Variants in SLC45A2 observed in about 807,000 individuals in gnomAD.
SLC45A2 encodes membrane-associated transporter protein.
Under a neutral mutation model 45.5 loss-of-function variants are expected in SLC45A2, and 36 were observed. The observed-to-expected ratio is 0.79, with a 90% confidence interval of 0.61 to 1.04. The LOEUF is 1.04. Among genes scored for constraint, SLC45A2 ranks in the 50% least tolerant of loss-of-function variants. The pLI is 0.00. For synonymous variants in SLC45A2, 306 were observed against 269.3 expected (o/e 1.14, Z -1.33); for missense variants, 719 against 671.0 (o/e 1.07, Z -0.79).
At chr5:33,970,108 G>A (rs1752736347) in intron 2 of SLC45A2, among the ~76,000 whole-genome samples, 2 of 152,180 alleles carry the variant, frequency 1.3e-5, no homozygotes, top group African/African-American at 4.8e-5. Flanking sequence ...AGCTGAGTTA[G>A]ACAGCCCCTG....
intron 3 of SLC45A2, among the ~76,000 whole-genome samples, chr5:33,960,726 C>T (rs1324857287): frequency 1.3e-5 from 2 of 152,092 alleles, no homozygotes; most frequent in Non-Finnish European, 2.9e-5. Context: ...ACTCATGTAA[C>T]CAAACACCAC....
chr5:33,971,444 T>G, intron 2 of SLC45A2: 1 of 425,682 alleles, frequency 2.3e-6, no homozygotes, highest in Non-Finnish European at 4.5e-6. Context: ...TTTTCCTTTT[T>G]TTTTGTTTTT....
At chr5:33,946,930 T>C (rs1751947431) in intron 6 of SLC45A2, 1 of 1,442,426 alleles carries the variant, frequency 6.9e-7, no homozygotes, top group Non-Finnish European at 9.1e-7. Flanking sequence ...CTTCTTGCCC[T>C]ACAGCTCCCT....
chr5:33,984,548 G>A lies in SLC45A2; in HGVS notation c.36C>T (p.Ile12=), dbSNP rs148217379. Residue 12 remains isoleucine, a synonymous_variant, in exon 1 of 7, where the codon ATC becomes ATT. Coordinates refer to ENST00000296589, the MANE Select transcript of SLC45A2 (RefSeq NM_016180.5). ...GGCCATCATCAGCTAGGGATTTATA[G>A]ATGTGGCGGCCAGCCTGCCCACTGT... ...GSNSGQAGRH[I]YKSLADDGPF... is the part of the protein sequence containing the mutation. 1.6e-5 allele frequency: 26 copies of A among 1,611,902 alleles called. No homozygotes were observed. In the African/African-American group the frequency reaches 3.3e-4, roughly 21 times the overall value.
chr5:33,969,998 C>A (rs542742311), intron 2 of SLC45A2, among the ~76,000 whole-genome samples: 1 of 152,304 alleles, frequency 6.6e-6, no homozygotes, highest in East Asian at 1.9e-4. Context: ...GCTCAGCACA[C>A]CGTGAAGCGT....
intron 4 of SLC45A2, among the ~76,000 whole-genome samples, chr5:33,951,903 T>G (rs1752113091): frequency 6.6e-6 from 1 of 152,172 alleles, no homozygotes; most frequent in South Asian, 2.1e-4. Flanking sequence ...AACACTCTCT[T>G]GGATCCTTAA....
chr5:33,965,024 T>C (rs1489181937), intron 2 of SLC45A2, among the ~76,000 whole-genome samples: 4 of 152,228 alleles, frequency 2.6e-5, no homozygotes, highest in African/African-American at 4.8e-5. Context: ...CCACTACATA[T>C]GTCACAAACT....
chr5:33,958,213 G>A (rs1458590043), intron 3 of SLC45A2, among the ~76,000 whole-genome samples: 1 of 152,188 alleles, frequency 6.6e-6, no homozygotes, highest in East Asian at 1.9e-4. Context: ...TGGAGGAATT[G>A]GAGATAGATT....
chr5:33,965,643 A>G (rs1004056541), intron 2 of SLC45A2, among the ~76,000 whole-genome samples: 1 of 152,222 alleles, frequency 6.6e-6, no homozygotes, highest in Admixed American at 6.5e-5. Flanking sequence ...GATTTGAGAG[A>G]AAGAGAAGGT....
At chr5:33,967,586 C>T (rs1006687240) in intron 2 of SLC45A2, among the ~76,000 whole-genome samples, 4 of 152,052 alleles carry the variant, frequency 2.6e-5, no homozygotes, top group Non-Finnish European at 5.9e-5. Context: ...GATATTTGAC[C>T]CACAATTCAT....
rs546198842 is a variant in SLC45A2, at chr5:33,961,681, G to A, written c.888+2010C>T. ...TTTGTGGCCACCTTGGAAATGTGCC[G>A]TTTGGGTCACCTACCAGAGAAAACA... On this transcript the variant is annotated intron_variant, in intron 3 of 6. Transcript: ENST00000296589. Among the ~76,000 whole-genome samples the A allele has an allele frequency of 5.9e-5, 9 of 152,234 alleles. No homozygotes were observed. In the South Asian group the frequency reaches 8.3e-4, roughly 14 times the overall value.
intron 5 of SLC45A2, among the ~76,000 whole-genome samples, chr5:33,950,276 T>A (rs1176672014): frequency 6.6e-6 from 1 of 152,226 alleles, no homozygotes; most frequent in African/African-American, 2.4e-5. Flanking sequence ...TTAAGCTGGA[T>A]AATTTACTAG....
chr5:33,949,856 G>T (rs763446323), intron 5 of SLC45A2, among the ~76,000 whole-genome samples: 1 of 151,406 alleles, frequency 6.6e-6, no homozygotes, highest in Non-Finnish European at 1.5e-5. Context: ...GTTCCCTGAG[G>T]AAAAATAAGT....
chr5:33,980,267 G>GA (rs33933110), intron 2 of SLC45A2, among the ~76,000 whole-genome samples: 31 of 147,816 alleles, frequency 2.1e-4, no homozygotes, highest in African/African-American at 5.0e-4. Flanking sequence ...GGCTTTCCAA[G>GA]AAAAAAAAAA....
chr5:33,963,076 C>T (rs944299206), intron 3 of SLC45A2, among the ~76,000 whole-genome samples: 4 of 152,300 alleles, frequency 2.6e-5, no homozygotes, highest in South Asian at 4.1e-4. Context: ...AAATGAAGTT[C>T]TAATTTTATT....
intron 2 of SLC45A2, chr5:33,972,763 T>C (rs1009415165): frequency 6.6e-6 from 1 of 152,236 alleles, no homozygotes; most frequent in South Asian, 2.1e-4. Flanking sequence ...CAAATTAGTA[T>C]AATAATTCAG....
At position 33,970,566 on chromosome 5, in the gene SLC45A2, TGTTGGTTG is replaced by T. The variant is rs3836801; in HGVS notation, c.563-6558_563-6551del. Among the ~76,000 whole-genome samples, 7 of 150,820 alleles carry T rather than the reference TGTTGGTTG, an allele frequency of 4.6e-5. No individual in the cohort carries two copies. The East Asian group carries it at 7.9e-4, about 17-fold the overall frequency. On this transcript the variant is annotated intron_variant, in intron 2 of 6. Coordinates refer to ENST00000296589, the MANE Select transcript of SLC45A2 (RefSeq NM_016180.5). Reference sequence around the variant, plus strand: ...TGGTTAGCTGGTTGGCTGACTGGCTTGTTGGTTGGTTGGTTGGTTGGTTGGTTGGTTTT... The same window carrying T: ...TGGTTAGCTGGTTGGCTGACTGGCTTGTTGGTTGGTTGGTTGGTTGGTTTT...
chr5:33,982,727 G>C (rs1464071868), intron 1 of SLC45A2, among the ~76,000 whole-genome samples: 1 of 151,914 alleles, frequency 6.6e-6, no homozygotes, highest in Non-Finnish European at 1.5e-5. Flanking sequence ...ATTAGAGAGT[G>C]GTAATGGTTG....
chr5:33,946,259 C>T (rs1424021978), intron 6 of SLC45A2: 1 of 985,314 alleles, frequency 1.0e-6, no homozygotes, highest in Non-Finnish European at 1.2e-6. Context: ...ATGAGGAAAG[C>T]CACACCTCTT....
Sources: gnomAD v4.1 joint callset for allele counts (sites outside exome capture counted in the v4.1 genomes callset) on GRCh38, gnomAD v4.1.1 for gene constraint, MANE v1.5 for transcripts, NCBI Gene and HGNC (gene_info 2026-07-23, HGNC 2026-07-21) for gene names.